The following RDX variants were observed in gnomAD, a reference collection of about 807,000 sequenced individuals.
The protein encoded by RDX is deafness, autosomal recessive 24.
RDX carries 32 observed loss-of-function variants against 83.7 expected under a neutral mutation model. That is an observed-to-expected ratio of 0.38 (90% CI 0.29 to 0.51). The LOEUF (loss-of-function observed/expected upper bound fraction) is 0.51. Ranked by LOEUF, RDX falls within the 20% of genes least tolerant of loss-of-function variation. RDX has a pLI of 0.87. For missense variants in RDX, 600 were observed against 689.9 expected, an observed-to-expected ratio of 0.87 and a Z score of 1.46; for synonymous variants, 229 against 222.7, an observed-to-expected ratio of 1.03 and a Z score of -0.25.
intron 1 of RDX, among the ~76,000 whole-genome samples, chr11:110,295,603 A>G (rs1861417048): frequency 6.6e-6 from 1 of 151,304 alleles, no homozygotes; most frequent in Admixed American, 6.6e-5. Context: ...CTGAAGAAAC[A>G]TGACATCTGT....
intron 5 of RDX, among the ~76,000 whole-genome samples, chr11:110,259,819 T>C (rs1859728139): frequency 6.6e-6 from 1 of 152,120 alleles, no homozygotes; most frequent in African/African-American, 2.4e-5. Flanking sequence ...AGTGAATAAA[T>C]GAATTAATCA....
In RDX at chr11:110,242,131, T is replaced by C. The variant is rs116113454; in HGVS notation, c.1091-4479A>G. 9.4e-3 allele frequency among the ~76,000 whole-genome samples: 1,430 copies of C among 152,236 alleles called. 31 individuals are homozygous for C. The highest frequency in any genetic ancestry group is 0.033 in the African/African-American group (1,360 of 41,530). On this transcript the variant is annotated intron_variant, in intron 10 of 13. Transcript: ENST00000645495. Reference sequence around the variant, plus strand: ...GGCTGCACAACATTCCCAATATATTTTGCATCAGTGAACTACATTACTTAA... The same window carrying C: ...GGCTGCACAACATTCCCAATATATTCTGCATCAGTGAACTACATTACTTAA...
Position 110,264,852 on chromosome 11 carries a change from C to A in RDX, c.119G>T (p.Arg40Leu), listed in dbSNP as rs771175890. The A allele has an allele frequency of 8.7e-6, 14 of 1,613,778 alleles. No individual in the cohort carries two copies. In the Admixed American group the frequency reaches 2.0e-4, roughly 23 times the overall value. ...CTGCAGCCCAAAAAACCAGACCTCA[C>A]GCAAACCAACTGTTTTCACCACCTA... is the stretch of plus-strand genomic sequence containing the variant. ...FDQVVKTVGLREVWFFGLQYV... is the reference protein window; with the variant it reads ...FDQVVKTVGLLEVWFFGLQYV... The change falls in exon 4 of 14, where the codon CGT (arginine) becomes CTT (leucine). Residue 40 changes from arginine to leucine, a missense_variant. By Grantham distance (102) the Arg-to-Leu change is moderately radical. Coordinates refer to ENST00000645495, the MANE Select transcript of RDX (RefSeq NM_002906.4).
At chr11:110,254,193 TATGA>T in intron 8 of RDX, 84 bp from the exon 9 acceptor site, 1 of 1,138,680 alleles carries the variant, frequency 8.8e-7, no homozygotes, top group East Asian at 2.5e-5. Flanking sequence ...TAACATGAGG[TATGA>T]ATTTTAATGT....
chr11:110,178,110 C>T (rs1266423557), intron 15 of RDX, among the ~76,000 whole-genome samples: 1 of 152,170 alleles, frequency 6.6e-6, no homozygotes, highest in Non-Finnish European at 1.5e-5. Flanking sequence ...CTGTTTCCTC[C>T]AGGCTGTGTA....
At chr11:110,240,471 C>T (rs531843275) in intron 10 of RDX, among the ~76,000 whole-genome samples, 9 of 152,244 alleles carry the variant, frequency 5.9e-5, no homozygotes, top group South Asian at 2.1e-4. Context: ...AGGCCGGGCG[C>T]GGTGGCTCAC....
Position 110,231,909 on chromosome 11 carries a change from C to G in RDX, c.1712G>C (p.Gly571Ala). 1 of 1,613,364 alleles carries G rather than the reference C, an allele frequency of 6.2e-7. No homozygotes were observed. The highest frequency in any genetic ancestry group is 8.5e-7 in the Non-Finnish European group (1 of 1,179,992). The change falls in exon 14 of 14, where the codon GGC becomes GCC. Residue 571 changes from glycine (G) to alanine (A), a missense_variant. Physicochemically the swap from Gly to Ala is moderately conservative, Grantham distance 60 (BLOSUM62 0). Transcript: ENST00000645495. Reference protein sequence around the residue: ...KYKTLRQIRQGNTKQRIDEFE... With the variant: ...KYKTLRQIRQANTKQRIDEFE... ...CTCATCGATACGCTGCTTTGTATTGCCTTGTCGAATCTGTCGCAGAGTCTT... is the reference window on the plus strand; with the variant it reads ...CTCATCGATACGCTGCTTTGTATTGGCTTGTCGAATCTGTCGCAGAGTCTT...
intron 12 of RDX, 91 bp downstream of exon 12, chr11:110,236,008 T>A: frequency 1.1e-6 from 1 of 898,498 alleles, no homozygotes; most frequent in Non-Finnish European, 1.9e-6. Context: ...CTCTAAATTA[T>A]GACAGTATCT....
chr11:110,216,609 G>A (rs956316679), intron 14 of RDX, among the ~76,000 whole-genome samples: 5 of 149,006 alleles, frequency 3.4e-5, no homozygotes, highest in African/African-American at 9.9e-5. Context: ...CATTCCTGGC[G>A]TCAAGTGATC....
intron 1 of RDX, among the ~76,000 whole-genome samples, chr11:110,285,511 C>T (rs534509248): frequency 2.0e-5 from 3 of 152,042 alleles, no homozygotes; most frequent in South Asian, 4.2e-4. Flanking sequence ...GTCAGGAGTT[C>T]GAGACCATCC....
At chr11:110,288,768 C>T (rs1205340663) in intron 1 of RDX, among the ~76,000 whole-genome samples, 2 of 152,172 alleles carry the variant, frequency 1.3e-5, no homozygotes, top group African/African-American at 2.4e-5. Context: ...CACAGTTGGG[C>T]CTCAAAATGT....
chr11:110,188,989 C>T (rs969081513), intron 15 of RDX, among the ~76,000 whole-genome samples: 4 of 151,938 alleles, frequency 2.6e-5, no homozygotes, highest in African/African-American at 4.8e-5. Context: ...GGATCCAAAC[C>T]TCACATATCA....
intron 2 of RDX, 115 bp downstream of exon 2, chr11:110,279,566 A>G (rs1860667438): frequency 2.7e-6 from 2 of 730,466 alleles, no homozygotes; most frequent in South Asian, 3.1e-5. Context: ...AAATAACAGT[A>G]GTATCAGTGC....
Position 110,237,483 on chromosome 11 carries a change from G to A in RDX, c.1251+9C>T, listed in dbSNP as rs1864904304. 12 of 1,611,850 alleles carry A rather than the reference G, an allele frequency of 7.4e-6. No individual in the cohort carries two copies. Among genetic ancestry groups the A allele is most frequent in the Non-Finnish European group, 9.3e-6 (11 of 1,179,818 alleles). ...TTAAACTTTTTTCTCTAAGAAGACA[G>A]TTCCTTACTAGCTGCTCCTGATTCT... On this transcript the variant is annotated intron_variant, in intron 11 of 13. Transcript: ENST00000645495.
At chr11:110,257,621 A>G in intron 7 of RDX, 146 bp downstream of exon 7, 1 of 800,298 alleles carries the variant, frequency 1.2e-6, no homozygotes, top group South Asian at 1.5e-5. Flanking sequence ...AAATATCTAC[A>G]AGTCTATGTG....
At chr11:110,276,171 T>G (rs569159784) in intron 2 of RDX, among the ~76,000 whole-genome samples, 1 of 152,348 alleles carries the variant, frequency 6.6e-6, no homozygotes, top group South Asian at 2.1e-4. Context: ...TTCACAATTT[T>G]CAATGATTTT....
At chr11:110,289,425 A>G (rs1463017709) in intron 1 of RDX, among the ~76,000 whole-genome samples, 2 of 152,134 alleles carry the variant, frequency 1.3e-5, no homozygotes, top group African/African-American at 4.8e-5. Context: ...ATTAGCAGTA[A>G]GCTTTCTGGT....
intron 7 of RDX, 100 bp from the exon 8 acceptor site, chr11:110,255,485 C>T: frequency 2.9e-6 from 2 of 699,830 alleles, no homozygotes; most frequent in South Asian, 3.2e-5. Context: ...TTAAGAGTTC[C>T]AGATTTTCAA....
chr11:110,233,413 G>A lies in RDX; in HGVS notation c.1411C>T (p.Pro471Ser), dbSNP rs138560358. Residue 471 changes from proline (P) to serine (S), a missense_variant, in exon 13 of 14, where the codon CCT (proline) becomes TCT (serine). Coordinates refer to ENST00000645495, the MANE Select transcript of RDX (RefSeq NM_002906.4). ...EELKTVMSAP[P>S]PPPPPPVIPP... ...ATGACTGGTGGTGGTGGAGGTGGAG[G>A]GGGGGCAGACATCACAGTTTTTAAC... 3.4e-5 allele frequency: 55 copies of A among 1,613,938 alleles called. No individual in the cohort carries two copies. Among genetic ancestry groups the A allele is most frequent in the Middle Eastern group, 1.6e-4 (1 of 6,074 alleles).
Sources: allele counts gnomAD v4.1 joint callset (sites outside exome capture counted in the v4.1 genomes callset), GRCh38; gene constraint gnomAD v4.1.1; transcripts MANE v1.5; gene names NCBI Gene and HGNC (gene_info 2026-07-23, HGNC 2026-07-21).